The following STX8 variants were observed in gnomAD, a reference collection of about 807,000 sequenced individuals.
The protein encoded by STX8 is syntaxin-8.
In STX8, 23 loss-of-function variants were observed where a neutral mutation model predicts 37.5. The ratio of observed to expected loss-of-function variants is 0.61; its 90% CI spans 0.44 to 0.87. STX8 has a LOEUF of 0.87. Among genes scored for constraint, STX8 ranks in the 40% least tolerant of loss-of-function variants. STX8 has a pLI of 0.00. For missense variants in STX8, 313 were observed against 284.7 expected (o/e 1.10, Z -0.71); for synonymous variants, 115 against 99.1 (o/e 1.16, Z -0.95).
intron 7 of STX8, among the ~76,000 whole-genome samples, chr17:9,287,325 C>T (rs1223088315): frequency 6.6e-6 from 1 of 152,110 alleles, no homozygotes; most frequent in Non-Finnish European, 1.5e-5. Flanking sequence ...CACCCCAGGT[C>T]CCTGCCACCA....
At chr17:9,312,458 C>T (rs1909225116) in intron 7 of STX8, among the ~76,000 whole-genome samples, 1 of 152,156 alleles carries the variant, frequency 6.6e-6, no homozygotes, top group African/African-American at 2.4e-5. Context: ...GCCTCGGCCT[C>T]CCAAAGTGCT....
At chr17:9,354,307 T>C (rs932636000) in intron 7 of STX8, among the ~76,000 whole-genome samples, 2 of 151,124 alleles carry the variant, frequency 1.3e-5, no homozygotes, top group African/African-American at 4.9e-5. Context: ...CTGGAATTAA[T>C]AATTGTCTCA....
chr17:9,414,160 A>G (rs1913097256), intron 6 of STX8, among the ~76,000 whole-genome samples: 1 of 66,636 alleles, frequency 1.5e-5, no homozygotes, highest in African/African-American at 5.6e-5. Context: ...CCATCCATGA[A>G]AGCAAATGCC....
At chr17:9,415,693 C>T (rs1166733714) in intron 6 of STX8, among the ~76,000 whole-genome samples, 8 of 152,228 alleles carry the variant, frequency 5.3e-5, no homozygotes, top group East Asian at 3.9e-4. Flanking sequence ...GGCGTGAACC[C>T]GGTAGGTGGA....
chr17:9,530,198 C>CA (rs1314183177), intron 4 of STX8, among the ~76,000 whole-genome samples: 2 of 151,608 alleles, frequency 1.3e-5, no homozygotes, highest in Non-Finnish European at 2.9e-5. Context: ...GTAGTCCCAG[C>CA]AACTCGGGAG....
chr17:9,550,347 G>A (rs957831748), intron 3 of STX8, among the ~76,000 whole-genome samples: 9 of 152,146 alleles, frequency 5.9e-5, no homozygotes, highest in Admixed American at 6.5e-5. Flanking sequence ...AAAAGGAAGA[G>A]AAGAGCTAAC....
chr17:9,514,946 T>C (rs1034891347), intron 4 of STX8, among the ~76,000 whole-genome samples: 2 of 152,160 alleles, frequency 1.3e-5, no homozygotes, highest in Non-Finnish European at 2.9e-5. Context: ...TGGCAACATA[T>C]GAACAGAAAG....
intron 7 of STX8, among the ~76,000 whole-genome samples, chr17:9,308,631 G>C (rs1482394682): frequency 5.3e-5 from 8 of 150,534 alleles, no homozygotes; most frequent in Non-Finnish European, 1.0e-4. Flanking sequence ...GCTGAGGCGG[G>C]AGAATTGCTT....
chr17:9,420,779 A>G (rs982693426), intron 6 of STX8, among the ~76,000 whole-genome samples: 1 of 152,140 alleles, frequency 6.6e-6, no homozygotes, highest in Non-Finnish European at 1.5e-5. Flanking sequence ...GAAAATTCCA[A>G]TGGCTTATTT....
chr17:9,330,614 T>C (rs1909930783), intron 7 of STX8, among the ~76,000 whole-genome samples: 1 of 152,252 alleles, frequency 6.6e-6, no homozygotes, highest in Non-Finnish European at 1.5e-5. Context: ...GGAATGCCCG[T>C]GCACTGGCTT....
intron 6 of STX8, among the ~76,000 whole-genome samples, chr17:9,463,475 A>G (rs1328804661): frequency 3.3e-5 from 5 of 152,168 alleles, no homozygotes; most frequent in Admixed American, 1.3e-4. Context: ...TCACCCATTC[A>G]AAGTCAAATA....
At chr17:9,378,377 T>C (rs1911673192) in intron 7 of STX8, 175 bp downstream of exon 7, 4 of 578,534 alleles carry the variant, frequency 6.9e-6, no homozygotes, top group South Asian at 6.1e-5. Context: ...TTGAACTCCA[T>C]TTCATTTTGA....
At position 9,485,435 on chromosome 17, in the gene STX8, A is replaced by G. The variant is rs187188041; in HGVS notation, c.541+6394T>C. Among the ~76,000 whole-genome samples, 15 of 152,342 alleles carry G rather than the reference A, an allele frequency of 9.8e-5. 1 individual carries two copies. In the Middle Eastern group the frequency reaches 0.01, roughly 104 times the overall value. On this transcript the variant is annotated intron_variant, in intron 6 of 7. Coordinates refer to ENST00000306357, the MANE Select transcript of STX8 (RefSeq NM_004853.3). ...ATACCTATTCTGCTTCATAAATAAA[A>G]TGGAAATAACCCTCAAAGGGTAAAA...
At chr17:9,429,235 G>GAT (rs1303605678) in intron 6 of STX8, among the ~76,000 whole-genome samples, 2 of 146,968 alleles carry the variant, frequency 1.4e-5, no homozygotes, top group African/African-American at 2.5e-5. Context: ...ATTGTTTTGA[G>GAT]ATATATATAT....
At chr17:9,269,851 C>T (rs1337973347) in intron 7 of STX8, among the ~76,000 whole-genome samples, 2 of 152,232 alleles carry the variant, frequency 1.3e-5, no homozygotes, top group Non-Finnish European at 2.9e-5. Flanking sequence ...GCACCCAGCA[C>T]ACCAGCACTA....
intron 6 of STX8, among the ~76,000 whole-genome samples, chr17:9,394,470 C>T (rs896701835): frequency 1.3e-5 from 2 of 151,636 alleles, no homozygotes; most frequent in Non-Finnish European, 2.9e-5. Flanking sequence ...CTCTGCCTCC[C>T]GGGTTCAAGT....
At chr17:9,268,970 G>A (rs1049795251) in intron 7 of STX8, among the ~76,000 whole-genome samples, 4 of 152,146 alleles carry the variant, frequency 2.6e-5, no homozygotes, top group Non-Finnish European at 5.9e-5. Context: ...GGCGGATCAT[G>A]AAGTCAGCAG....
At chr17:9,484,224 A>G (rs1292823484) in intron 6 of STX8, among the ~76,000 whole-genome samples, 1 of 152,154 alleles carries the variant, frequency 6.6e-6, no homozygotes, top group African/African-American at 2.4e-5. Flanking sequence ...TGAATAGAAT[A>G]GAGTGCCTCC....
intron 7 of STX8, among the ~76,000 whole-genome samples, chr17:9,300,597 A>C (rs1010272692): frequency 2.0e-5 from 3 of 151,942 alleles, no homozygotes; most frequent in Non-Finnish European, 4.4e-5. Context: ...CCTGGTTATG[A>C]GTGTTATATG....
Sources: allele counts gnomAD v4.1 joint callset (sites outside exome capture counted in the v4.1 genomes callset), GRCh38; gene constraint gnomAD v4.1.1; transcripts MANE v1.5; gene names NCBI Gene and HGNC (gene_info 2026-07-23, HGNC 2026-07-21).